ILDR1: variants seen among roughly 807,000 people sequenced by gnomAD.
ILDR1 encodes the protein immunoglobulin-like domain-containing receptor 1.
Under a neutral mutation model 62.4 loss-of-function variants are expected in ILDR1, and 56 were observed. That is an observed-to-expected ratio of 0.90 (90% CI 0.72 to 1.12). The LOEUF is 1.12. Ranked by LOEUF, ILDR1 falls within the 50% of genes most tolerant of loss-of-function variation. The probability of loss-of-function intolerance (pLI) is 0.00; values close to 1 mark genes in which losing one functional copy is unlikely to be tolerated. For missense variants in ILDR1, 736 were observed against 710.6 expected, an observed-to-expected ratio of 1.04 and a Z score of -0.41; for synonymous variants, 284 against 277.8, an observed-to-expected ratio of 1.02 and a Z score of -0.22.
chr3:122,047,771 C>T, the ILDR1 span, among the ~76,000 whole-genome samples: 2 of 152,260 alleles, frequency 1.3e-5, no homozygotes, highest in Non-Finnish European at 2.9e-5. Flanking sequence ...CCTGCTTCGG[C>T]TTGCGCACAG....
the ILDR1 span, among the ~76,000 whole-genome samples, chr3:122,037,150 G>A: frequency 2.0e-5 from 3 of 152,256 alleles, no homozygotes; most frequent in South Asian, 6.2e-4. Context: ...CAGTGCAGAG[G>A]GGAATTGTGG....
At chr3:122,002,363 A>T (rs899095449) in intron 3 of ILDR1, among the ~76,000 whole-genome samples, 9 of 152,272 alleles carry the variant, frequency 5.9e-5, no homozygotes, top group African/African-American at 2.2e-4. Context: ...TGGTACTCTT[A>T]ACCACCAAGC....
intron 1 of ILDR1, among the ~76,000 whole-genome samples, chr3:122,019,575 T>A (rs1465010349): frequency 6.6e-6 from 1 of 152,174 alleles, no homozygotes; most frequent in Non-Finnish European, 1.5e-5. Flanking sequence ...GAAGGACTTA[T>A]GCCCAGTATT....
intron 5 of ILDR1, among the ~76,000 whole-genome samples, chr3:121,995,186 T>G (rs2107647172): frequency 6.6e-6 from 1 of 152,260 alleles, no homozygotes; most frequent in Non-Finnish European, 1.5e-5. Flanking sequence ...CTTTTCTATT[T>G]TGGGGTAGTT....
the ILDR1 span, among the ~76,000 whole-genome samples, chr3:122,054,141 T>G: frequency 6.6e-6 from 1 of 152,246 alleles, no homozygotes; most frequent in African/African-American, 2.4e-5. Context: ...AGCAGTGATG[T>G]CATCTGCTAT....
chr3:122,012,099 C>T (rs1310455145), intron 1 of ILDR1, among the ~76,000 whole-genome samples: 1 of 152,120 alleles, frequency 6.6e-6, no homozygotes, highest in Non-Finnish European at 1.5e-5. Context: ...ATCTCAAAGG[C>T]AAAAATCACC....
At chr3:122,016,770 AC>A (rs1272441476) in intron 1 of ILDR1, among the ~76,000 whole-genome samples, 7 of 152,232 alleles carry the variant, frequency 4.6e-5, no homozygotes, top group Non-Finnish European at 4.4e-5. Flanking sequence ...GGTAGGTTTA[AC>A]CTATCATCTG....
chr3:122,023,607 C>T (rs34523061), upstream of ILDR1, among the ~76,000 whole-genome samples: 14 of 151,958 alleles, frequency 9.2e-5, no homozygotes, highest in African/African-American at 3.4e-4. Context: ...AGATCTGATG[C>T]GGGATCTTAA....
At chr3:122,032,710 T>A in the ILDR1 span, among the ~76,000 whole-genome samples, 1 of 152,220 alleles carries the variant, frequency 6.6e-6, no homozygotes, top group Non-Finnish European at 1.5e-5. Context: ...TTGTCCACTC[T>A]GGGAAAAGTC....
chr3:122,024,653 A>G (rs888763713), upstream of ILDR1, among the ~76,000 whole-genome samples: 11 of 152,240 alleles, frequency 7.2e-5, no homozygotes, highest in Admixed American at 2.6e-4. Flanking sequence ...GCTTTATTTA[A>G]TTAAAGTCTT....
chr3:121,995,383 G>C (rs1004241881), intron 5 of ILDR1, among the ~76,000 whole-genome samples: 1 of 152,206 alleles, frequency 6.6e-6, no homozygotes, highest in African/African-American at 2.4e-5. Flanking sequence ...GCCACGTACA[G>C]TAGAAGGGGG....
chr3:122,005,601 T>C (rs1050512467), intron 2 of ILDR1, among the ~76,000 whole-genome samples: 1 of 152,138 alleles, frequency 6.6e-6, no homozygotes, highest in African/African-American at 2.4e-5. Flanking sequence ...TGAGAATCTG[T>C]GTGATACCAG....
At chr3:122,004,120 G>A (rs1188078388) in intron 3 of ILDR1, among the ~76,000 whole-genome samples, 1 of 152,164 alleles carries the variant, frequency 6.6e-6, no homozygotes, top group Admixed American at 6.5e-5. Flanking sequence ...TAAACAGTCA[G>A]AATATTCACT....
the ILDR1 span, among the ~76,000 whole-genome samples, chr3:122,050,516 C>A: frequency 9.3e-4 from 140 of 151,262 alleles, 1 homozygote; most frequent in Non-Finnish European, 1.9e-3. Context: ...AACTTAAATT[C>A]AGCTTCATAT....
At chr3:122,005,212 C>CCCCGTTTCCCTGACA in intron 3 of ILDR1, 32 bp downstream of exon 3, 1 of 1,257,360 alleles carries the variant, frequency 8.0e-7, no homozygotes, top group Non-Finnish European at 1.2e-6. Flanking sequence ...TCCCCCCACC[C>CCCCGTTTCCCTGACA]CCAGTTCCCC....
At chr3:121,991,906 C>T (rs781741780) in intron 7 of ILDR1, among the ~76,000 whole-genome samples, 1 of 152,216 alleles carries the variant, frequency 6.6e-6, no homozygotes, top group Non-Finnish European at 1.5e-5. Context: ...GACTACACTT[C>T]TTCTTTTATA....
chr3:121,989,283 A>G (rs186284354), intron 7 of ILDR1, among the ~76,000 whole-genome samples: 10 of 152,358 alleles, frequency 6.6e-5, no homozygotes, highest in Admixed American at 4.6e-4. Flanking sequence ...AAAACAATGA[A>G]ATGTGGTAAA....
intron 1 of ILDR1, among the ~76,000 whole-genome samples, chr3:122,008,794 T>C (rs1405727863): frequency 6.6e-6 from 1 of 151,872 alleles, no homozygotes; most frequent in Non-Finnish European, 1.5e-5. Context: ...GGTTTCACCA[T>C]GTTGGCCAGG....
the ILDR1 span, among the ~76,000 whole-genome samples, chr3:122,057,716 C>T: frequency 2.2e-4 from 34 of 152,268 alleles, no homozygotes; most frequent in African/African-American, 7.9e-4. Context: ...TAGCCCTTTG[C>T]ATTTATCTTT....
Sources: allele counts gnomAD v4.1 joint callset (sites outside exome capture counted in the v4.1 genomes callset), GRCh38; gene constraint gnomAD v4.1.1; transcripts MANE v1.5; gene names NCBI Gene and HGNC (gene_info 2026-07-23, HGNC 2026-07-21).